Variants in ATP8B4 observed in about 807,000 individuals in gnomAD.
The protein encoded by ATP8B4 is probable phospholipid-transporting ATPase IM.
ATP8B4 carries 133 observed loss-of-function variants against 145.6 expected under a neutral mutation model. The observed-to-expected ratio is 0.91, with a 90% CI of 0.79 to 1.05. ATP8B4 has a LOEUF of 1.05. Among genes scored for constraint, ATP8B4 ranks in the 50% least tolerant of loss-of-function variants. The probability of loss-of-function intolerance (pLI) is 0.00; values close to 1 mark genes in which losing one functional copy is unlikely to be tolerated. For missense variants in ATP8B4, 1,458 were observed against 1,425.2 expected, an observed-to-expected ratio of 1.02 and a Z score of -0.37; for synonymous variants, 507 against 492.9, an observed-to-expected ratio of 1.03 and a Z score of -0.38.
intron 2 of ATP8B4, among the ~76,000 whole-genome samples, chr15:50,076,295 C>A (rs1460146918): frequency 8.5e-5 from 13 of 152,082 alleles, no homozygotes; most frequent in Admixed American, 8.5e-4. Context: ...GGATCGAGAC[C>A]ATCCTGGCCA....
chr15:50,059,011 T>C (rs186059986), intron 3 of ATP8B4, among the ~76,000 whole-genome samples: 1 of 152,216 alleles, frequency 6.6e-6, no homozygotes, highest in East Asian at 1.9e-4. Flanking sequence ...ACATCAATAA[T>C]AATTTATGAA....
chr15:49,909,148 C>G (rs1375339009), intron 20 of ATP8B4, among the ~76,000 whole-genome samples: 3 of 152,102 alleles, frequency 2.0e-5, no homozygotes, highest in Admixed American at 6.5e-5. Flanking sequence ...CTCCATACCC[C>G]CCACCCCAGT....
intron 2 of ATP8B4, among the ~76,000 whole-genome samples, chr15:50,087,374 A>T (rs2055281582): frequency 7.0e-6 from 1 of 143,562 alleles, no homozygotes; most frequent in African/African-American, 2.5e-5. Flanking sequence ...ATAAAATAAT[A>T]TATAGATATA....
intron 26 of ATP8B4, among the ~76,000 whole-genome samples, chr15:49,863,871 G>A (rs926397600): frequency 6.6e-6 from 1 of 152,062 alleles, no homozygotes; most frequent in Non-Finnish European, 1.5e-5. Context: ...AATTTCACTG[G>A]AGCTCAGTAA....
At chr15:50,101,669 C>T (rs2056360718) in intron 2 of ATP8B4, among the ~76,000 whole-genome samples, 1 of 152,076 alleles carries the variant, frequency 6.6e-6, no homozygotes, top group South Asian at 2.1e-4. Flanking sequence ...CTACTAACAG[C>T]ACTAGACGGG....
chr15:49,869,857 C>A (rs1333297864), intron 25 of ATP8B4, among the ~76,000 whole-genome samples: 2 of 152,010 alleles, frequency 1.3e-5, no homozygotes, highest in African/African-American at 4.8e-5. Flanking sequence ...AAGTGTCTGT[C>A]ATTTGGAACT....
At chr15:50,119,691 T>C (rs2057243942), upstream of ATP8B4, among the ~76,000 whole-genome samples, 1 of 150,256 alleles carries the variant, frequency 6.7e-6, no homozygotes, top group Non-Finnish European at 1.5e-5. Context: ...GATAAGCAAA[T>C]CTGTTTGCAG....
rs186110234 is a variant in ATP8B4, at chr15:49,959,482, G to A, written c.1287+2495C>T. 7.9e-5 allele frequency among the ~76,000 whole-genome samples: 12 copies of A among 151,802 alleles called. No homozygotes were observed. In the East Asian group the frequency reaches 2.3e-3, roughly 29 times the overall value. On this transcript the variant is annotated intron_variant, in intron 14 of 27. Transcript: ENST00000284509. ...AGTACTAACCAATGCAATTAGATAA[G>A]AAAAATAAATTAAAAGTAAAAAAGT...
At chr15:50,103,767 T>C (rs564828941) in intron 2 of ATP8B4, among the ~76,000 whole-genome samples, 10 of 152,228 alleles carry the variant, frequency 6.6e-5, no homozygotes, top group African/African-American at 2.4e-4. Context: ...AGAGCCCACA[T>C]AGCCAAAGCA....
In ATP8B4 at chr15:49,860,068, G is replaced by A; in HGVS notation, c.*126C>T. Reference sequence around the variant, plus strand: ...TGGGCACTGGCAGTTGTCTGCCGCAGATTTAAGTTAAGTGAGGCAATCTGC... The same window carrying A: ...TGGGCACTGGCAGTTGTCTGCCGCAAATTTAAGTTAAGTGAGGCAATCTGC... On this transcript the variant is annotated 3_prime_UTR_variant, in exon 28 of 28. Coordinates refer to ENST00000284509, the MANE Select transcript of ATP8B4 (RefSeq NM_024837.4). The A allele has an allele frequency of 2.5e-6, 3 of 1,203,456 alleles. No homozygotes were observed. Among genetic ancestry groups the A allele is most frequent in the Non-Finnish European group, 3.5e-6 (3 of 862,116 alleles). 74.5% of individuals were successfully genotyped at this position (1,203,456 alleles called of 1,614,324 possible).
chr15:50,038,767 C>T lies in ATP8B4; in HGVS notation c.362+1G>A, dbSNP rs764364978. 3 of 1,610,380 alleles carry T rather than the reference C, an allele frequency of 1.9e-6. No homozygotes were observed. Among genetic ancestry groups the T allele is most frequent in the Non-Finnish European group, 2.5e-6 (3 of 1,176,918 alleles). ...AATAACCCACAGAATGTATTTCTTA[C>T]TTGCTGTTGATGAGCACTTCAGACT... On this transcript the variant is annotated splice_donor_variant, in intron 6 of 27. Coordinates refer to ENST00000284509, the MANE Select transcript of ATP8B4 (RefSeq NM_024837.4). LOFTEE classifies it high-confidence loss of function.
chr15:49,862,341 G>A lies in ATP8B4; in HGVS notation c.3201C>T (p.Ile1067=). The A allele has an allele frequency of 6.2e-7, 1 of 1,613,786 alleles. No homozygotes were observed. The highest frequency in any genetic ancestry group is 8.5e-7 in the Non-Finnish European group (1 of 1,179,754). Residue 1067 remains isoleucine, a synonymous_variant, in exon 27 of 28, where the codon ATC becomes ATT. Coordinates refer to ENST00000284509, the MANE Select transcript of ATP8B4 (RefSeq NM_024837.4). The stretch of plus-strand genomic sequence containing the variant: ...CTGTTGTTAAGAGAATTACAAGCCA[G>A]ATGCACTTCTGGGTCAGGGAATGTC... ...NARHSLTQKC[I]WLVILLTTVA...
At position 50,034,228 on chromosome 15, in the gene ATP8B4, GTTT is replaced by G. The variant is rs35916300; in HGVS notation, c.362+4537_362+4539del. 2.0e-3 allele frequency among the ~76,000 whole-genome samples: 249 copies of G among 123,706 alleles called. 4 individuals are homozygous for G. In the East Asian group the frequency reaches 0.033, roughly 16 times the overall value. 81.2% of individuals were successfully genotyped at this position (123,706 alleles called of 152,430 possible). A position where few individuals can be genotyped will look rare whatever the true frequency, so the allele number is the denominator to read the frequency against. Reference sequence around the variant, plus strand: ...TGGATTAAATGGAATTCCTTTCCTTGTTTTTTTTTTTTTTTTTTTTAGAAAGAG... The same window carrying G: ...TGGATTAAATGGAATTCCTTTCCTTGTTTTTTTTTTTTTTTTTAGAAAGAG... On this transcript the variant is annotated intron_variant, in intron 6 of 27. Coordinates refer to ENST00000284509, the MANE Select transcript of ATP8B4 (RefSeq NM_024837.4).
At chr15:49,954,620 C>G (rs895622761) in intron 14 of ATP8B4, among the ~76,000 whole-genome samples, 1 of 151,992 alleles carries the variant, frequency 6.6e-6, no homozygotes, top group Non-Finnish European at 1.5e-5. Context: ...AAAATCATAA[C>G]GAGATACCAT....
intron 20 of ATP8B4, chr15:49,901,877 A>C: frequency 7.6e-6 from 3 of 395,608 alleles, no homozygotes; most frequent in Non-Finnish European, 9.7e-6. Context: ...TAGGAAAAAA[A>C]CTAGACACCA....
chr15:50,002,417 T>G (rs572282434), intron 7 of ATP8B4, among the ~76,000 whole-genome samples, 194 bp from the exon 8 acceptor site: 2 of 152,150 alleles, frequency 1.3e-5, no homozygotes, highest in Non-Finnish European at 2.9e-5. Flanking sequence ...CTCCTTTATA[T>G]GCCCCTTGAC....
intron 16 of ATP8B4, among the ~76,000 whole-genome samples, chr15:49,928,486 C>A (rs564084824): frequency 6.6e-6 from 1 of 152,038 alleles, no homozygotes; most frequent in Non-Finnish European, 1.5e-5. Context: ...GATCAGATTG[C>A]AAATAATTTT....
intron 24 of ATP8B4, among the ~76,000 whole-genome samples, chr15:49,876,937 T>C (rs760117517): frequency 1.2e-4 from 19 of 152,296 alleles, no homozygotes; most frequent in South Asian, 1.2e-3. Context: ...TAGTGAGTGG[T>C]AGTGACCAGG....
chr15:49,956,108 T>G (rs1262365261), intron 14 of ATP8B4, among the ~76,000 whole-genome samples: 1 of 152,204 alleles, frequency 6.6e-6, no homozygotes, highest in Non-Finnish European at 1.5e-5. Flanking sequence ...TACTGACTTC[T>G]GGAATGTACA....
Sources: gnomAD v4.1 joint callset for allele counts (sites outside exome capture counted in the v4.1 genomes callset) on GRCh38, gnomAD v4.1.1 for gene constraint, MANE v1.5 for transcripts, NCBI Gene and HGNC (gene_info 2026-07-23, HGNC 2026-07-21) for gene names.